INSL6: variants seen among roughly 807,000 people sequenced by gnomAD.
INSL6 encodes insulin-like peptide INSL6.
INSL6 carries 16 observed loss-of-function variants against 9.4 expected under a neutral mutation model. The ratio of observed to expected loss-of-function variants is 1.70; its 90% CI spans 1.15 to 2.59. The LOEUF is 2.59. INSL6 is among the 30% of genes most tolerant of loss of function. The probability of loss-of-function intolerance (pLI) is 0.00; values close to 1 mark genes in which losing one functional copy is unlikely to be tolerated. For synonymous variants in INSL6, 154 were observed against 96.9 expected, an observed-to-expected ratio of 1.59 and a Z score of -3.46; for missense variants, 391 against 257.3, an observed-to-expected ratio of 1.52 and a Z score of -3.56.
chr9:5,111,114 C>T, the INSL6 span: 55 of 1,216,008 alleles, frequency 4.5e-5, no homozygotes, highest in Non-Finnish European at 5.7e-5. Flanking sequence ...ACAGCTCCTC[C>T]TTTGACCCCA....
At chr9:5,051,637 G>A in the INSL6 span, among the ~76,000 whole-genome samples, 1 of 151,856 alleles carries the variant, frequency 6.6e-6, no homozygotes, top group East Asian at 1.9e-4. Flanking sequence ...TTTTTAAAAA[G>A]GTATATATAA....
chr9:5,032,280 C>T, the INSL6 span, among the ~76,000 whole-genome samples: 1 of 152,250 alleles, frequency 6.6e-6, no homozygotes. Context: ...CCCACCACAG[C>T]TCAAGGAGGC....
the INSL6 span, chr9:5,040,949 A>G: frequency 8.7e-6 from 4 of 462,274 alleles, no homozygotes; most frequent in African/African-American, 4.1e-5. Context: ...AGCCAAGGAA[A>G]GAATCTCTAT....
chr9:5,149,518 C>A (rs1015509925), intron 2 of INSL6, among the ~76,000 whole-genome samples: 2 of 152,038 alleles, frequency 1.3e-5, no homozygotes, highest in African/African-American at 4.8e-5. Flanking sequence ...AAAATACCTA[C>A]AAATACAGTT....
the INSL6 span, among the ~76,000 whole-genome samples, chr9:5,102,120 C>G: frequency 6.6e-6 from 1 of 152,204 alleles, no homozygotes; most frequent in East Asian, 1.9e-4. Flanking sequence ...TCAAACCCAT[C>G]GCAAGGAAGC....
the INSL6 span, among the ~76,000 whole-genome samples, chr9:5,101,451 C>T: frequency 1.3e-4 from 20 of 152,360 alleles, no homozygotes; most frequent in East Asian, 2.7e-3. Flanking sequence ...CCTCTGGGGG[C>T]AGGGCATAGC....
At chr9:5,036,693 C>T in the INSL6 span, among the ~76,000 whole-genome samples, 1 of 152,140 alleles carries the variant, frequency 6.6e-6, no homozygotes. Context: ...CTTCCTTACA[C>T]CTTATACAAA....
chr9:4,997,491 C>A, the INSL6 span, among the ~76,000 whole-genome samples: 4 of 152,126 alleles, frequency 2.6e-5, no homozygotes, highest in Admixed American at 2.6e-4. Context: ...CTTGCAAGAA[C>A]TCAGTATCTT....
At chr9:5,058,687 A>G in the INSL6 span, among the ~76,000 whole-genome samples, 2 of 152,160 alleles carry the variant, frequency 1.3e-5, no homozygotes, top group Non-Finnish European at 2.9e-5. Flanking sequence ...CATTCTCCAC[A>G]TGCTCATCAA....
chr9:5,037,835 A>G, the INSL6 span, among the ~76,000 whole-genome samples: 2 of 152,236 alleles, frequency 1.3e-5, no homozygotes, highest in Non-Finnish European at 2.9e-5. Context: ...GTGCACATGT[A>G]CCCTAAAACT....
At chr9:5,129,180 G>C (rs1419482588) in intron 3 of INSL6, among the ~76,000 whole-genome samples, 7 of 152,014 alleles carry the variant, frequency 4.6e-5, no homozygotes, top group Admixed American at 4.6e-4. Context: ...TGTATCTATA[G>C]AGCCAATCTT....
chr9:5,121,204 A>T (rs1823595126), downstream of INSL6, among the ~76,000 whole-genome samples: 2 of 152,200 alleles, frequency 1.3e-5, no homozygotes, highest in Non-Finnish European at 2.9e-5. Flanking sequence ...TTTATGATTG[A>T]GTAAGCATTA....
At chr9:5,006,740 C>G in the INSL6 span, among the ~76,000 whole-genome samples, 10 of 152,188 alleles carry the variant, frequency 6.6e-5, no homozygotes, top group Non-Finnish European at 1.2e-4. Context: ...TCCCATGACC[C>G]AGTCACCTCT....
intron 1 of INSL6, among the ~76,000 whole-genome samples, chr9:5,165,606 T>G (rs1437962526): frequency 6.6e-6 from 1 of 152,226 alleles, no homozygotes; most frequent in East Asian, 1.9e-4. Flanking sequence ...TTTTCAAATT[T>G]GATAATTTGT....
chr9:5,073,515 G>C, the INSL6 span, among the ~76,000 whole-genome samples: 1 of 152,128 alleles, frequency 6.6e-6, no homozygotes, highest in Non-Finnish European at 1.5e-5. Flanking sequence ...TTACACAGGG[G>C]TTTCCTCAGA....
chr9:5,165,053 C>T (rs1825020162), intron 1 of INSL6, among the ~76,000 whole-genome samples: 1 of 152,100 alleles, frequency 6.6e-6, no homozygotes, highest in Non-Finnish European at 1.5e-5. Context: ...ACTAAAAACA[C>T]ACAAAAAATT....
chr9:5,090,014 A>G, the INSL6 span: 4 of 463,298 alleles, frequency 8.6e-6, no homozygotes, highest in Admixed American at 8.7e-5. Context: ...TTTGGTGATC[A>G]TAGACTATAA....
At chr9:5,089,894 T>A in the INSL6 span, 1 of 1,403,504 alleles carries the variant, frequency 7.1e-7, no homozygotes, top group Non-Finnish European at 9.4e-7. Context: ...TATTTTAAAT[T>A]CAAGGTATGT....
intron 2 of INSL6, among the ~76,000 whole-genome samples, chr9:5,149,373 T>C (rs566354913): frequency 3.3e-5 from 5 of 152,260 alleles, no homozygotes; most frequent in African/African-American, 1.2e-4. Context: ...TAAATGACTT[T>C]TCACAGCTGC....
Sources: gnomAD v4.1 joint callset for allele counts (sites outside exome capture counted in the v4.1 genomes callset) on GRCh38, gnomAD v4.1.1 for gene constraint, MANE v1.5 for transcripts, NCBI Gene and HGNC (gene_info 2026-07-23, HGNC 2026-07-21) for gene names.